The following GRID2 variants were observed in gnomAD, a reference collection of about 807,000 sequenced individuals.
GRID2 encodes glutamate ionotropic receptor delta type subunit 2.
In GRID2, 33 loss-of-function variants were observed where a neutral mutation model predicts 114.8. That is an observed-to-expected ratio of 0.29 (90% CI 0.22 to 0.38). GRID2 has a LOEUF of 0.38. GRID2 is among the 10% of genes least tolerant of loss of function. The pLI is 1.00. For synonymous variants in GRID2, 505 were observed against 449.9 expected, an observed-to-expected ratio of 1.12 and a Z score of -1.55; for missense variants, 1,184 against 1,257.7, an observed-to-expected ratio of 0.94 and a Z score of 0.89.
Position 93,515,229 on chromosome 4 carries a change from C to A in GRID2, c.2011C>A (p.Leu671Ile), listed in dbSNP as rs1340117284. The change falls in exon 13 of 16, where the codon CTT (leucine) becomes ATT (isoleucine). Residue 671 changes from leucine (L) to isoleucine (I), a missense_variant. By Grantham distance (5) the Leu-to-Ile change is conservative. Transcript: ENST00000282020. ...IESSIQSLQD[L>I]SKQTEIPYGT... ...CCAATAATCAAGGTCTCTCCAGGAC[C>A]TTTCCAAGCAAACAGAAATCCCTTA... 1.9e-6 allele frequency: 3 copies of A among 1,588,204 alleles called. No homozygotes were observed. Among genetic ancestry groups the A allele is most frequent in the South Asian group, 1.1e-5 (1 of 89,006 alleles).
intron 8 of GRID2, among the ~76,000 whole-genome samples, chr4:93,312,252 T>C (rs1297941236): frequency 1.3e-5 from 2 of 152,262 alleles, no homozygotes; most frequent in African/African-American, 4.8e-5. Flanking sequence ...TATATAAATA[T>C]CCTATCATTG....
At chr4:92,827,618 C>A (rs531735922) in intron 2 of GRID2, among the ~76,000 whole-genome samples, 11 of 152,018 alleles carry the variant, frequency 7.2e-5, no homozygotes, top group African/African-American at 2.6e-4. Context: ...AGCCAAGACA[C>A]CAATATTTCA....
At chr4:93,421,637 G>A (rs1768295930) in intron 9 of GRID2, among the ~76,000 whole-genome samples, 1 of 151,982 alleles carries the variant, frequency 6.6e-6, no homozygotes, top group Admixed American at 6.6e-5. Flanking sequence ...TTTGAAAAAG[G>A]CACTACTGAG....
At chr4:93,357,818 C>A (rs1761495035) in intron 8 of GRID2, among the ~76,000 whole-genome samples, 1 of 151,610 alleles carries the variant, frequency 6.6e-6, no homozygotes, top group Admixed American at 6.6e-5. Flanking sequence ...ATTGAGTAAT[C>A]CATTCCTTCC....
chr4:92,547,770 G>A (rs1197927090), intron 1 of GRID2, among the ~76,000 whole-genome samples: 1 of 151,814 alleles, frequency 6.6e-6, no homozygotes, highest in African/African-American at 2.4e-5. Flanking sequence ...ATTATAAGTA[G>A]GGAGGATTTA....
intron 8 of GRID2, among the ~76,000 whole-genome samples, chr4:93,359,679 C>T (rs971934221): frequency 9.4e-5 from 14 of 148,806 alleles, no homozygotes; most frequent in Admixed American, 2.0e-4. Flanking sequence ...TATCTTTCTG[C>T]GCCTGGCTCA....
chr4:92,757,783 G>T (rs141609808), intron 2 of GRID2, among the ~76,000 whole-genome samples: 6 of 151,922 alleles, frequency 3.9e-5, no homozygotes, highest in Non-Finnish European at 5.9e-5. Flanking sequence ...AGGCTAAAAA[G>T]CTGTGTTTTT....
At chr4:93,131,571 G>A (rs1320188937) in intron 4 of GRID2, among the ~76,000 whole-genome samples, 1 of 149,392 alleles carries the variant, frequency 6.7e-6, no homozygotes, top group African/African-American at 2.5e-5. Context: ...CATTATCCAG[G>A]TTGAAATTTT....
chr4:93,718,037 C>T lies in GRID2; in HGVS notation c.2361-51173C>T, dbSNP rs1226529863. On this transcript the variant is annotated intron_variant, in intron 14 of 15. Transcript: ENST00000282020. ...TTGGGAGGCCGAGGCAGGCGGATCACGAGGTCAGGAGATCGAGACCATCCT... is the reference window on the plus strand; with the variant it reads ...TTGGGAGGCCGAGGCAGGCGGATCATGAGGTCAGGAGATCGAGACCATCCT... Among the ~76,000 whole-genome samples, 8 of 152,212 alleles carry T rather than the reference C, an allele frequency of 5.3e-5. No individual in the cohort carries two copies. The South Asian group carries it at 1.2e-3, about 24-fold the overall frequency.
intron 1 of GRID2, among the ~76,000 whole-genome samples, chr4:92,427,754 C>A (rs1051018063): frequency 1.3e-5 from 2 of 149,684 alleles, no homozygotes; most frequent in Middle Eastern, 3.2e-3. Flanking sequence ...ATAATAAGCC[C>A]AACACAGTAC....
Position 92,510,646 on chromosome 4 carries a change from C to T in GRID2, c.89-79485C>T, listed in dbSNP as rs1426889789. On this transcript the variant is annotated intron_variant, in intron 1 of 15. Transcript: ENST00000282020. ...GATACGAAGAATACACTCTAGTGTT[C>T]TATTGCACAGTAGGGTGACTATGGT... 2.0e-5 allele frequency among the ~76,000 whole-genome samples: 3 copies of T among 151,594 alleles called. No individual in the cohort carries two copies. In the East Asian group the frequency reaches 5.8e-4, roughly 30 times the overall value.
At chr4:93,157,329 G>A (rs913896517) in intron 4 of GRID2, among the ~76,000 whole-genome samples, 2 of 151,444 alleles carry the variant, frequency 1.3e-5, no homozygotes, top group African/African-American at 4.8e-5. Flanking sequence ...TTTCTTCCAC[G>A]ATCTCTTCCT....
chr4:92,444,357 G>A (rs1301415937), intron 1 of GRID2, among the ~76,000 whole-genome samples: 2 of 148,476 alleles, frequency 1.3e-5, no homozygotes, highest in East Asian at 2.0e-4. Context: ...GTAGGTAAAC[G>A]AAAATTACAG....
intron 2 of GRID2, among the ~76,000 whole-genome samples, chr4:92,599,028 C>CTTTTCT (rs1729079847): frequency 8.7e-6 from 1 of 115,290 alleles, no homozygotes. Flanking sequence ...AATGCTTTTC[C>CTTTTCT]TTTTTTTTTT....
chr4:92,929,293 CAT>C (rs1038566455), intron 2 of GRID2, among the ~76,000 whole-genome samples: 6 of 151,112 alleles, frequency 4.0e-5, no homozygotes, highest in African/African-American at 7.3e-5. Context: ...TGAAGGTAAA[CAT>C]ATGTGGATAC....
chr4:93,183,299 C>T (rs533934669), intron 4 of GRID2, among the ~76,000 whole-genome samples: 3 of 152,156 alleles, frequency 2.0e-5, no homozygotes, highest in African/African-American at 7.2e-5. Context: ...CCATGTCTGT[C>T]AAGCTTATTA....
chr4:93,432,952 C>G (rs1041598420), intron 10 of GRID2, among the ~76,000 whole-genome samples: 2 of 152,138 alleles, frequency 1.3e-5, no homozygotes, highest in African/African-American at 4.8e-5. Flanking sequence ...TGGCTCTAGT[C>G]CGAGCTGTTG....
chr4:93,679,104 T>C lies in GRID2; in HGVS notation c.2360+52669T>C, dbSNP rs539631108. Among the ~76,000 whole-genome samples the C allele has an allele frequency of 1.4e-3, 206 of 149,718 alleles. 15 individuals are homozygous for C. Among genetic ancestry groups the C allele is most frequent in the African/African-American group, 4.9e-3 (199 of 40,272 alleles). On this transcript the variant is annotated intron_variant, in intron 14 of 15. Transcript: ENST00000282020. The stretch of plus-strand genomic sequence containing the variant: ...GAAGATCTACCAAGCAAATGGAAAA[T>C]AAAAAAAGTCAGGGATTGCAATCCT...
chr4:92,863,032 A>C (rs529130392), intron 2 of GRID2, among the ~76,000 whole-genome samples: 1 of 152,250 alleles, frequency 6.6e-6, no homozygotes, highest in African/African-American at 2.4e-5. Context: ...CAACTGATTA[A>C]TGCTAAATAA....
Sources: gnomAD v4.1 joint callset for allele counts (sites outside exome capture counted in the v4.1 genomes callset) on GRCh38, gnomAD v4.1.1 for gene constraint, MANE v1.5 for transcripts, NCBI Gene and HGNC (gene_info 2026-07-23, HGNC 2026-07-21) for gene names.